The following RYR2 variants were observed in gnomAD, a reference collection of about 807,000 sequenced individuals.
RYR2 encodes cardiac muscle ryanodine receptor-calcium release channel.
In RYR2, 227 loss-of-function variants were observed where a neutral mutation model predicts 601.1. The ratio of observed to expected loss-of-function variants is 0.38; its 90% CI spans 0.34 to 0.42. The LOEUF is 0.42. Among genes scored for constraint, RYR2 ranks in the 10% least tolerant of loss-of-function variants. RYR2 has a pLI of 1.00. For missense variants in RYR2, 4,646 were observed against 6,156.5 expected (o/e 0.75, Z 8.21); for synonymous variants, 2,223 against 2,175.1 (o/e 1.02, Z -0.61).
At chr1:237,439,770 A>G (rs551931445) in intron 12 of RYR2, among the ~76,000 whole-genome samples, 5 of 152,328 alleles carry the variant, frequency 3.3e-5, no homozygotes, top group East Asian at 1.9e-4. Context: ...TGACTTCTTA[A>G]TATATAATCC....
chr1:237,312,162 A>G (rs1694641646), intron 2 of RYR2, among the ~76,000 whole-genome samples: 1 of 152,288 alleles, frequency 6.6e-6, no homozygotes, highest in East Asian at 1.9e-4. Context: ...GGAGGTGGTT[A>G]TGAAGGGTGT....
chr1:237,399,675 A>T (rs1194877323), intron 10 of RYR2, among the ~76,000 whole-genome samples: 1 of 151,546 alleles, frequency 6.6e-6, no homozygotes, highest in African/African-American at 2.4e-5. Flanking sequence ...TCTCTGTGTC[A>T]CTCCCCCATG....
intron 27 of RYR2, among the ~76,000 whole-genome samples, chr1:237,552,637 C>T (rs76058046): frequency 0.027 from 4,125 of 151,946 alleles, 113 homozygotes; most frequent in African/African-American, 0.068. Flanking sequence ...ATCATTATCA[C>T]GTGTATTTTT....
chr1:237,476,282 G>A (rs1661386814), intron 17 of RYR2, among the ~76,000 whole-genome samples: 1 of 152,038 alleles, frequency 6.6e-6, no homozygotes, highest in Non-Finnish European at 1.5e-5. Flanking sequence ...GGCTGAGGTG[G>A]GTGGATCACC....
chr1:237,359,696 C>G (rs1699610663), intron 4 of RYR2, among the ~76,000 whole-genome samples: 1 of 152,116 alleles, frequency 6.6e-6, no homozygotes, highest in Non-Finnish European at 1.5e-5. Flanking sequence ...CATCTCCTTC[C>G]TTCTCTCCAT....
chr1:237,051,603 T>C (rs1661291397), intron 1 of RYR2, among the ~76,000 whole-genome samples: 1 of 152,008 alleles, frequency 6.6e-6, no homozygotes, highest in Admixed American at 6.6e-5. Flanking sequence ...GATCAGAGCT[T>C]TTTTACGCCG....
At chr1:237,331,157 A>G (rs548842916) in intron 3 of RYR2, among the ~76,000 whole-genome samples, 175 bp downstream of exon 3, 5 of 152,302 alleles carry the variant, frequency 3.3e-5, no homozygotes. Flanking sequence ...TGGTGTCTTG[A>G]AAACTAAAAA....
At chr1:237,674,632 T>C in intron 59 of RYR2, 99 bp from the exon 60 acceptor site, 2 of 569,288 alleles carry the variant, frequency 3.5e-6, no homozygotes, top group Non-Finnish European at 6.3e-6. Context: ...GATAAACATA[T>C]ATGTATGTAT....
chr1:237,645,898 A>C (rs967906910), intron 48 of RYR2, among the ~76,000 whole-genome samples: 1 of 140,378 alleles, frequency 7.1e-6, no homozygotes, highest in African/African-American at 2.7e-5. Context: ...TTTTTTTGAG[A>C]CGGAGTCTCA....
chr1:237,467,392 A>G (rs570673495), intron 16 of RYR2, among the ~76,000 whole-genome samples: 220 of 152,238 alleles, frequency 1.4e-3, no homozygotes, highest in Non-Finnish European at 1.6e-3. Context: ...TAAATTGGGA[A>G]CAGATATTCT....
chr1:237,167,008 A>C (rs578160161), intron 1 of RYR2, among the ~76,000 whole-genome samples: 113 of 152,384 alleles, frequency 7.4e-4, no homozygotes, highest in Non-Finnish European at 8.4e-4. Context: ...TAAACAAACA[A>C]AAGCAACCTC....
At chr1:237,431,549 A>G (rs922725502) in intron 12 of RYR2, among the ~76,000 whole-genome samples, 2 of 152,152 alleles carry the variant, frequency 1.3e-5, no homozygotes, top group Non-Finnish European at 2.9e-5. Flanking sequence ...TATTACATAG[A>G]TTTATCATAA....
At chr1:237,366,795 C>T (rs567874326) in intron 5 of RYR2, among the ~76,000 whole-genome samples, 2 of 152,096 alleles carry the variant, frequency 1.3e-5, no homozygotes, top group Admixed American at 1.3e-4. Context: ...TTGTCCTTCA[C>T]TTTTAAAACA....
At chr1:237,299,127 C>CTTTTTTTTTT (rs3086046) in intron 2 of RYR2, among the ~76,000 whole-genome samples, 1 of 145,402 alleles carries the variant, frequency 6.9e-6, no homozygotes, top group Non-Finnish European at 1.5e-5. Context: ...TTCCTAGAGT[C>CTTTTTTTTTT]TTTTTTTTTT....
intron 1 of RYR2, among the ~76,000 whole-genome samples, chr1:237,236,812 A>G (rs1243110): frequency 0.9 from 137,417 of 152,190 alleles, 63,510 homozygotes; most frequent in East Asian, 1. Context: ...AATATAAGAT[A>G]TTTTTGGTAT....
chr1:237,640,894 A>C lies in RYR2; in HGVS notation c.7116-3A>C. On this transcript the variant is annotated splice_polypyrimidine_tract_variant and splice_region_variant and intron_variant, in intron 46 of 104. Coordinates refer to ENST00000366574, the MANE Select transcript of RYR2 (RefSeq NM_001035.3). ...TCTCTTTCTTTTGAAACATTCATGA[A>C]AGTGACACAGAGGAGGAGGAAGATG... 3 of 1,611,306 alleles carry C rather than the reference A, an allele frequency of 1.9e-6. No individual in the cohort carries two copies. Among genetic ancestry groups the C allele is most frequent in the South Asian group, 1.1e-5 (1 of 90,332 alleles).
intron 28 of RYR2, among the ~76,000 whole-genome samples, chr1:237,567,869 T>A (rs545526833): frequency 6.6e-6 from 1 of 151,548 alleles, no homozygotes; most frequent in South Asian, 2.1e-4. Context: ...TTTCTAGGCT[T>A]GAAATTAGGG....
intron 42 of RYR2, among the ~76,000 whole-genome samples, chr1:237,631,832 G>T (rs894561077): frequency 6.7e-5 from 10 of 150,296 alleles, no homozygotes; most frequent in Middle Eastern, 3.4e-3. Flanking sequence ...GTTTCACTGT[G>T]TTAGCCAGGA....
chr1:237,422,346 C>T (rs573545585), intron 11 of RYR2, among the ~76,000 whole-genome samples: 10 of 152,040 alleles, frequency 6.6e-5, no homozygotes, highest in Non-Finnish European at 1.3e-4. Context: ...TCATCTCAAA[C>T]GTTTATCATT....
Sources: allele counts gnomAD v4.1 joint callset (sites outside exome capture counted in the v4.1 genomes callset), GRCh38; gene constraint gnomAD v4.1.1; transcripts MANE v1.5; gene names NCBI Gene and HGNC (gene_info 2026-07-23, HGNC 2026-07-21).